Variants in MYO1H observed in about 807,000 individuals in gnomAD.
MYO1H encodes the protein unconventional myosin-Ih.
In MYO1H, 118 loss-of-function variants were observed where a neutral mutation model predicts 149.3. That is an observed-to-expected ratio of 0.79 (90% CI 0.68 to 0.92). The LOEUF is 0.92. Among genes scored for constraint, MYO1H ranks in the 40% least tolerant of loss-of-function variants. The pLI, the probability that MYO1H is intolerant of heterozygous loss-of-function variation, is 0.00. For missense variants in MYO1H, 1,212 were observed against 1,280.7 expected (o/e 0.95, Z 0.82); for synonymous variants, 447 against 465.2 (o/e 0.96, Z 0.50).
chr12:109,435,191 G>T, intron 21 of MYO1H, 78 bp downstream of exon 21: 1 of 943,524 alleles, frequency 1.1e-6, no homozygotes, highest in East Asian at 2.5e-5. Context: ...TCTTAAACAC[G>T]GGTGTTTGAT....
intron 15 of MYO1H, among the ~76,000 whole-genome samples, chr12:109,420,542 T>A (rs1871129319): frequency 6.6e-6 from 1 of 152,062 alleles, no homozygotes; most frequent in South Asian, 2.1e-4. Context: ...GGGGAAGTGC[T>A]ACAAACTTTT....
chr12:109,317,682 T>C, the MYO1H span, among the ~76,000 whole-genome samples: 2 of 152,194 alleles, frequency 1.3e-5, no homozygotes, highest in Non-Finnish European at 2.9e-5. Context: ...AGAGCTTTGT[T>C]TCCTTTTAGG....
chr12:109,355,965 G>A (rs1358199888), intron 1 of MYO1H, among the ~76,000 whole-genome samples: 5 of 151,770 alleles, frequency 3.3e-5, no homozygotes, highest in East Asian at 1.9e-4. Flanking sequence ...TGATCTGCCC[G>A]TCCTGGCCTC....
exon 30 of MYO1H, chr12:109,444,485 C>T: frequency 1.2e-6 from 2 of 1,613,980 alleles, no homozygotes; most frequent in Non-Finnish European, 8.5e-7. Flanking sequence ...CTAAACTCGT[C>T]ATGCTGGTTA....
Position 109,405,909 on chromosome 12 carries a change from C to T in MYO1H, c.850-13C>T. 1 of 1,573,530 alleles carries T rather than the reference C, an allele frequency of 6.4e-7. No homozygotes were observed. Among genetic ancestry groups the T allele is most frequent in the Non-Finnish European group, 8.7e-7 (1 of 1,143,368 alleles). Reference sequence around the variant, plus strand: ...CCTGATCTCCTGTCTCTGAACACTTCCCATGTTCCTAGAATCTCTTTGGAA... The same window carrying T: ...CCTGATCTCCTGTCTCTGAACACTTTCCATGTTCCTAGAATCTCTTTGGAA... On this transcript the variant is annotated splice_polypyrimidine_tract_variant and intron_variant, in intron 7 of 31. Coordinates refer to ENST00000310903, the Ensembl canonical transcript of MYO1H.
At position 109,444,441 on chromosome 12, in the gene MYO1H, G is replaced by C. The variant is rs369009537; in HGVS notation, c.2905G>C (p.Val969Leu). Residue 969 changes from valine (V) to leucine (L), a missense_variant, in exon 30 of 32, where the codon GTT becomes CTT. By Grantham distance (32) the Val-to-Leu change is conservative. Coordinates refer to ENST00000310903, the Ensembl canonical transcript of MYO1H. ...CTCCTCCCCACCCCAGGGGGATGCCGTTTTGCAGTGTGGACACGTGTTTGA... is the reference window on the plus strand; with the variant it reads ...CTCCTCCCCACCCCAGGGGGATGCCCTTTTGCAGTGTGGACACGTGTTTGA... 4.7e-5 allele frequency: 76 copies of C among 1,613,764 alleles called. No homozygotes were observed. In the South Asian group the frequency reaches 7.5e-4, roughly 16 times the overall value.
At chr12:109,365,136 T>C (rs183040614) in intron 1 of MYO1H, among the ~76,000 whole-genome samples, 1 of 152,008 alleles carries the variant, frequency 6.6e-6, no homozygotes, top group Non-Finnish European at 1.5e-5. Context: ...CTTAGCTTGA[T>C]GTGGTAGTGT....
At chr12:109,335,067 T>C in the MYO1H span, among the ~76,000 whole-genome samples, 1 of 152,234 alleles carries the variant, frequency 6.6e-6, no homozygotes, top group East Asian at 1.9e-4. Context: ...TTAAAGTTCA[T>C]CCATGTTGTA....
chr12:109,431,054 C>CAA (rs772066497), intron 19 of MYO1H, among the ~76,000 whole-genome samples: 11 of 111,012 alleles, frequency 9.9e-5, no homozygotes, highest in South Asian at 2.8e-4. Flanking sequence ...GACTCCATCT[C>CAA]AAAAAAAAAA....
intron 9 of MYO1H, 139 bp downstream of exon 9, chr12:109,406,999 G>T (rs1396451587): frequency 4.4e-6 from 3 of 689,130 alleles, no homozygotes; most frequent in South Asian, 3.5e-5. Context: ...AGCTCCTGTG[G>T]AGTGTCCTGC....
chr12:109,362,300 G>A (rs1287463887), intron 1 of MYO1H, among the ~76,000 whole-genome samples: 1 of 152,176 alleles, frequency 6.6e-6, no homozygotes, highest in African/African-American at 2.4e-5. Flanking sequence ...CAGCCTTCTA[G>A]TTTTGATGTG....
At chr12:109,333,994 T>C in the MYO1H span, among the ~76,000 whole-genome samples, 1 of 152,042 alleles carries the variant, frequency 6.6e-6, no homozygotes, top group African/African-American at 2.4e-5. Flanking sequence ...TATTTACTTG[T>C]TTATGTACTC....
At chr12:109,448,056 T>G (rs971992270) in exon 32 of MYO1H, 2 of 152,252 alleles carry the variant, frequency 1.3e-5, no homozygotes, top group African/African-American at 2.4e-5. Context: ...CACCATCACT[T>G]ACCGATTCAC....
At chr12:109,436,495 A>G in exon 22 of MYO1H, 2 of 1,610,152 alleles carry the variant, frequency 1.2e-6, no homozygotes, top group Non-Finnish European at 8.5e-7. Flanking sequence ...AAGTTGCAAG[A>G]ATCCAAGCCA....
intron 1 of MYO1H, among the ~76,000 whole-genome samples, chr12:109,370,025 C>G (rs1207408364): frequency 6.6e-6 from 1 of 152,182 alleles, no homozygotes; most frequent in Admixed American, 6.5e-5. Flanking sequence ...GACTTGTTCA[C>G]TGTCATGAGA....
At chr12:109,324,146 T>C in the MYO1H span, among the ~76,000 whole-genome samples, 1 of 152,114 alleles carries the variant, frequency 6.6e-6, no homozygotes, top group South Asian at 2.1e-4. Flanking sequence ...TAAGACTCAC[T>C]CTCATGCCTG....
At chr12:109,327,662 C>T in the MYO1H span, among the ~76,000 whole-genome samples, 2 of 141,370 alleles carry the variant, frequency 1.4e-5, no homozygotes, top group Non-Finnish European at 3.0e-5. Context: ...AGGAGAATCA[C>T]TTGAACCCAG....
exon 28 of MYO1H, chr12:109,443,538 G>C (rs767696982): frequency 2.5e-6 from 4 of 1,613,638 alleles, no homozygotes. Context: ...CATTAAATAT[G>C]ACAGAAAAGG....
At chr12:109,373,664 G>A (rs1566020450) in intron 1 of MYO1H, among the ~76,000 whole-genome samples, 1 of 152,126 alleles carries the variant, frequency 6.6e-6, no homozygotes, top group African/African-American at 2.4e-5. Context: ...ATATTCCTAA[G>A]ATGAGCTTGG....
Sources: allele counts gnomAD v4.1 joint callset (sites outside exome capture counted in the v4.1 genomes callset), GRCh38; gene constraint gnomAD v4.1.1; transcripts MANE v1.5; gene names NCBI Gene and HGNC (gene_info 2026-07-23, HGNC 2026-07-21).